Variants in SLC2A13 observed in about 807,000 individuals in gnomAD.
The protein encoded by SLC2A13 is solute carrier family 2 member 13.
SLC2A13 carries 32 observed loss-of-function variants against 64.4 expected under a neutral mutation model. The observed-to-expected ratio is 0.50, with a 90% CI of 0.37 to 0.67. The LOEUF (loss-of-function observed/expected upper bound fraction) is 0.67. SLC2A13 is among the 30% of genes least tolerant of loss of function. The probability of loss-of-function intolerance (pLI) is 0.00; values close to 1 mark genes in which losing one functional copy is unlikely to be tolerated. For synonymous variants in SLC2A13, 338 were observed against 327.1 expected, an observed-to-expected ratio of 1.03 and a Z score of -0.36; for missense variants, 743 against 829.2, an observed-to-expected ratio of 0.90 and a Z score of 1.28.
At chr12:40,037,183 T>C (rs1334175180) in intron 2 of SLC2A13, among the ~76,000 whole-genome samples, 2 of 152,206 alleles carry the variant, frequency 1.3e-5, no homozygotes, top group African/African-American at 4.8e-5. Flanking sequence ...TGGACTCAAA[T>C]TTACTTTTCT....
At chr12:40,012,238 C>T (rs1432924901) in intron 3 of SLC2A13, among the ~76,000 whole-genome samples, 2 of 152,110 alleles carry the variant, frequency 1.3e-5, no homozygotes, top group Non-Finnish European at 2.9e-5. Context: ...TATAGAACTA[C>T]AAAATCATTT....
rs554263353 is a variant in SLC2A13 at position 40,012,139 on chromosome 12, G to A, written c.925+16162C>T. Among the ~76,000 whole-genome samples the A allele has an allele frequency of 2.6e-5, 4 of 152,186 alleles. No homozygotes were observed. In the South Asian group the frequency reaches 8.3e-4, roughly 32 times the overall value. On this transcript the variant is annotated intron_variant, in intron 3 of 9. Transcript: ENST00000280871. ...TTCCTTATACTTAGCAAGAAATATT[G>A]TACATAATAGTGAATTAGTTTCTCA...
chr12:39,914,378 G>C (rs888692859), intron 4 of SLC2A13, among the ~76,000 whole-genome samples: 4 of 152,000 alleles, frequency 2.6e-5, no homozygotes, highest in Non-Finnish European at 5.9e-5. Context: ...AGTAAAACAT[G>C]AGACAAAGGT....
intron 7 of SLC2A13, among the ~76,000 whole-genome samples, chr12:39,785,121 C>T (rs1941139362): frequency 6.6e-6 from 1 of 152,292 alleles, no homozygotes; most frequent in African/African-American, 2.4e-5. Context: ...TGTGAATCCC[C>T]AAGACCATGG....
At chr12:39,901,911 TA>T (rs1327975329) in intron 4 of SLC2A13, among the ~76,000 whole-genome samples, 1 of 151,938 alleles carries the variant, frequency 6.6e-6, no homozygotes, top group African/African-American at 2.4e-5. Context: ...ATTGCGGCAT[TA>T]TTCCCAATAG....
chr12:40,087,428 C>T (rs888914549), intron 1 of SLC2A13, among the ~76,000 whole-genome samples: 1 of 152,124 alleles, frequency 6.6e-6, no homozygotes, highest in Admixed American at 6.5e-5. Flanking sequence ...AATATCAAAA[C>T]GCTTTAAGCT....
intron 7 of SLC2A13, among the ~76,000 whole-genome samples, chr12:39,807,550 T>A (rs1287949277): frequency 6.6e-6 from 1 of 152,236 alleles, no homozygotes; most frequent in East Asian, 1.9e-4. Context: ...AGGGTGGCTA[T>A]AAGACTTGAT....
In SLC2A13 at chr12:40,101,901, C is replaced by T. The variant is rs79133801; in HGVS notation, c.556+3352G>A. Among the ~76,000 whole-genome samples the T allele has an allele frequency of 1.6e-4, 24 of 151,844 alleles. 1 individual carries two copies. In the East Asian group the frequency reaches 3.3e-3, roughly 21 times the overall value. On this transcript the variant is annotated intron_variant, in intron 1 of 9. Coordinates refer to ENST00000280871, the MANE Select transcript of SLC2A13 (RefSeq NM_052885.4). ...TGTTTCCACACCCAACAAAAGGAGACCCATTCCTCAGACTCAGGAAGATTA... is the reference window on the plus strand; with the variant it reads ...TGTTTCCACACCCAACAAAAGGAGATCCATTCCTCAGACTCAGGAAGATTA...
At chr12:39,988,688 AGGG>A (rs1445773449) in intron 3 of SLC2A13, among the ~76,000 whole-genome samples, 1 of 78,408 alleles carries the variant, frequency 1.3e-5, no homozygotes, top group Admixed American at 1.5e-4. Flanking sequence ...GAAGGGAGGG[AGGG>A]AGGAAGGAAG....
intron 3 of SLC2A13, among the ~76,000 whole-genome samples, chr12:39,958,885 T>G (rs1446027361): frequency 6.6e-6 from 1 of 152,108 alleles, no homozygotes; most frequent in Non-Finnish European, 1.5e-5. Flanking sequence ...CCCTGATCTC[T>G]GTTCCATAGT....
chr12:39,798,468 C>A (rs1407133930), intron 7 of SLC2A13, among the ~76,000 whole-genome samples: 1 of 152,144 alleles, frequency 6.6e-6, no homozygotes, highest in Non-Finnish European at 1.5e-5. Flanking sequence ...AAAGGAGATA[C>A]CTTAATGAAC....
intron 6 of SLC2A13, among the ~76,000 whole-genome samples, chr12:39,841,006 T>C (rs553714354): frequency 1.3e-5 from 2 of 152,256 alleles, no homozygotes; most frequent in African/African-American, 4.8e-5. Context: ...AATCACACCA[T>C]GAATTGTTCC....
chr12:39,943,050 A>C (rs1464274245), intron 4 of SLC2A13, among the ~76,000 whole-genome samples: 2 of 151,598 alleles, frequency 1.3e-5, no homozygotes, highest in Non-Finnish European at 2.9e-5. Flanking sequence ...CTGGAGGTCC[A>C]CTCCAGGCCA....
At chr12:39,994,304 A>C (rs1404933025) in intron 3 of SLC2A13, among the ~76,000 whole-genome samples, 1 of 146,474 alleles carries the variant, frequency 6.8e-6, no homozygotes, top group Non-Finnish European at 1.5e-5. Context: ...AATCGCTTGA[A>C]CCCGGGAGGC....
chr12:39,910,609 C>A (rs1257952457), intron 4 of SLC2A13, among the ~76,000 whole-genome samples: 1 of 151,960 alleles, frequency 6.6e-6, no homozygotes, highest in Admixed American at 6.6e-5. Context: ...CTTGGGAACC[C>A]ACAGAAAAAG....
intron 7 of SLC2A13, among the ~76,000 whole-genome samples, chr12:39,778,691 C>A (rs186045962): frequency 6.6e-6 from 1 of 152,146 alleles, no homozygotes; most frequent in East Asian, 1.9e-4. Flanking sequence ...TTTCGTCATT[C>A]ATTTCTTCAC....
At chr12:39,932,584 T>C (rs2136074047) in intron 4 of SLC2A13, among the ~76,000 whole-genome samples, 1 of 152,080 alleles carries the variant, frequency 6.6e-6, no homozygotes, top group Admixed American at 6.5e-5. Flanking sequence ...AATAAACAAA[T>C]AAATAAGCAG....
Position 39,978,612 on chromosome 12 carries a change from G to A in SLC2A13, c.926-27247C>T, listed in dbSNP as rs550545629. 5.3e-5 allele frequency among the ~76,000 whole-genome samples: 8 copies of A among 152,292 alleles called. No homozygotes were observed. The South Asian group carries it at 1.7e-3, about 32-fold the overall frequency. On this transcript the variant is annotated intron_variant, in intron 3 of 9. Transcript: ENST00000280871. ...TCCCACCCGAATATGGCGCTTTTCAGACTGGCTTAAAAAACGGCGCACCAC... is the reference window on the plus strand; with the variant it reads ...TCCCACCCGAATATGGCGCTTTTCAAACTGGCTTAAAAAACGGCGCACCAC...
chr12:39,773,363 A>G (rs1468072117), intron 7 of SLC2A13, among the ~76,000 whole-genome samples: 2 of 152,186 alleles, frequency 1.3e-5, no homozygotes, highest in Non-Finnish European at 2.9e-5. Context: ...TACAGACCAA[A>G]TAAATAATCG....
Sources: gnomAD v4.1 joint callset for allele counts (sites outside exome capture counted in the v4.1 genomes callset) on GRCh38, gnomAD v4.1.1 for gene constraint, MANE v1.5 for transcripts, NCBI Gene and HGNC (gene_info 2026-07-23, HGNC 2026-07-21) for gene names.